CA10: variants seen among roughly 807,000 people sequenced by gnomAD.
CA10 encodes carbonic anhydrase 10 (inactive).
CA10 carries 14 observed loss-of-function variants against 44.2 expected under a neutral mutation model. That is an observed-to-expected ratio of 0.32 (90% CI 0.21 to 0.50). CA10 has a LOEUF of 0.50. Ranked by LOEUF, CA10 falls within the 20% of genes least tolerant of loss-of-function variation. CA10 has a pLI of 0.99. For synonymous variants in CA10, 159 were observed against 141.6 expected (o/e 1.12, Z -0.87); for missense variants, 350 against 409.7 (o/e 0.85, Z 1.26).
At chr17:51,776,753 G>A (rs1400212743) in intron 3 of CA10, among the ~76,000 whole-genome samples, 1 of 152,212 alleles carries the variant, frequency 6.6e-6, no homozygotes, top group Non-Finnish European at 1.5e-5. Flanking sequence ...AAGTTAAAAT[G>A]TCAGTTGTTT....
Position 51,653,685 on chromosome 17 carries a change from C to T in CA10, c.517G>A (p.Ala173Thr). The T allele has an allele frequency of 6.2e-7, 1 of 1,611,492 alleles. No homozygotes were observed. Among genetic ancestry groups the T allele is most frequent in the Non-Finnish European group, 8.5e-7 (1 of 1,177,622 alleles). The change falls in exon 5 of 9, where the codon GCA becomes ACA. Residue 173 changes from alanine to threonine, a missense_variant. Physicochemically the swap from Ala to Thr is moderately conservative, Grantham distance 58. Transcript: ENST00000451037. ...ACCACCAATCCATTTGGACTCTTTG[C>T]AGCTTCTGTGACATTCGTATATAGC... ...HELYTNVTEA[A>T]KSPNGLVVVS...
At chr17:51,806,201 T>C (rs555560652) in intron 3 of CA10, among the ~76,000 whole-genome samples, 5 of 152,248 alleles carry the variant, frequency 3.3e-5, no homozygotes, top group African/African-American at 1.2e-4. Context: ...ATTTAAAGAA[T>C]TGAGCAGTTT....
At chr17:52,020,736 C>A (rs972524063) in intron 2 of CA10, among the ~76,000 whole-genome samples, 1 of 151,830 alleles carries the variant, frequency 6.6e-6, no homozygotes, top group Non-Finnish European at 1.5e-5. Context: ...ATGTTTGGGG[C>A]ATGATTGATT....
Position 52,157,906 on chromosome 17 carries a change from C to CA in CA10, c.-121_-120insT. Reference sequence around the variant, plus strand: ...TTCCGAGCGAGTGCACACTCGCACTCCCACCCGACAGCCGGCCAGGGACAG... The same window carrying CA: ...TTCCGAGCGAGTGCACACTCGCACTCACCACCCGACAGCCGGCCAGGGACAG... On this transcript the variant is annotated 5_prime_UTR_variant, in exon 1 of 9. Coordinates refer to ENST00000451037, the MANE Select transcript of CA10 (RefSeq NM_020178.5). 1.3e-6 allele frequency: 1 copy of CA among 799,764 alleles called. No homozygotes were observed. Among genetic ancestry groups the CA allele is most frequent in the Non-Finnish European group, 2.2e-6 (1 of 452,224 alleles). The allele number at this position is 799,764 out of a possible 1,614,324, so 49.5% of individuals were successfully genotyped here. A position where few individuals can be genotyped will look rare whatever the true frequency, so the allele number is the denominator to read the frequency against.
intron 2 of CA10, among the ~76,000 whole-genome samples, chr17:51,954,391 A>G (rs1983591479): frequency 6.6e-6 from 1 of 152,208 alleles, no homozygotes; most frequent in Admixed American, 6.6e-5. Flanking sequence ...CACTTGAGGC[A>G]TCCACTTCTT....
intron 3 of CA10, among the ~76,000 whole-genome samples, chr17:51,833,662 T>C (rs1419495064): frequency 2.6e-5 from 4 of 152,232 alleles, no homozygotes; most frequent in Non-Finnish European, 5.9e-5. Context: ...AAAAGGGTAC[T>C]GTGTAGTAGT....
rs767555924 is a variant in CA10 at position 51,633,471 on chromosome 17, C to T, written c.964+5G>A. 2 of 1,610,010 alleles carry T rather than the reference C, an allele frequency of 1.2e-6. No individual in the cohort carries two copies. Among genetic ancestry groups the T allele is most frequent in the East Asian group, 4.5e-5 (2 of 44,812 alleles). On this transcript the variant is annotated splice_donor_5th_base_variant and intron_variant, in intron 8 of 8. Coordinates refer to ENST00000451037, the MANE Select transcript of CA10 (RefSeq NM_020178.5). ...ATCCTCCACTCTCTGAGCCACCAAACCCACCTCTATACTGAAGCTTCTGGG... is the reference window on the plus strand; with the variant it reads ...ATCCTCCACTCTCTGAGCCACCAAATCCACCTCTATACTGAAGCTTCTGGG...
chr17:51,927,205 C>G (rs1414026712), intron 3 of CA10, among the ~76,000 whole-genome samples: 1 of 152,012 alleles, frequency 6.6e-6, no homozygotes, highest in Non-Finnish European at 1.5e-5. Flanking sequence ...TAGATCCTAC[C>G]TTTTATACCT....
intron 3 of CA10, among the ~76,000 whole-genome samples, chr17:51,778,756 G>A (rs895741193): frequency 2.0e-5 from 3 of 152,212 alleles, no homozygotes; most frequent in Non-Finnish European, 4.4e-5. Flanking sequence ...ACAATCAGAG[G>A]AGAGTATGCT....
chr17:52,074,809 C>CA (rs751212008), intron 1 of CA10, among the ~76,000 whole-genome samples: 29 of 151,520 alleles, frequency 1.9e-4, no homozygotes, highest in Non-Finnish European at 3.2e-4. Flanking sequence ...GCCTGCTAGC[C>CA]AAATATGGCC....
intron 3 of CA10, among the ~76,000 whole-genome samples, chr17:51,813,603 C>T (rs542247676): frequency 2.6e-5 from 4 of 152,336 alleles, no homozygotes; most frequent in African/African-American, 9.6e-5. Context: ...GATCATTCCA[C>T]CTGCTTCTCT....
chr17:51,880,344 T>A (rs555830580), intron 3 of CA10, among the ~76,000 whole-genome samples: 1 of 152,164 alleles, frequency 6.6e-6, no homozygotes, highest in East Asian at 1.9e-4. Flanking sequence ...TCTTGCTCTG[T>A]CACCCAGGCT....
chr17:51,681,482 G>A (rs1294679945), intron 4 of CA10, among the ~76,000 whole-genome samples: 1 of 152,158 alleles, frequency 6.6e-6, no homozygotes, highest in Non-Finnish European at 1.5e-5. Flanking sequence ...GGGCTGGATA[G>A]TTCTTTGTTG....
intron 2 of CA10, among the ~76,000 whole-genome samples, chr17:52,037,777 C>A (rs998320146): frequency 4.6e-5 from 7 of 152,128 alleles, no homozygotes; most frequent in African/African-American, 1.7e-4. Flanking sequence ...CTTTTCTAGC[C>A]TCTGTGCCTT....
intron 2 of CA10, among the ~76,000 whole-genome samples, chr17:52,013,055 C>T (rs1334272857): frequency 6.6e-6 from 1 of 151,878 alleles, no homozygotes; most frequent in African/African-American, 2.4e-5. Flanking sequence ...TAAGAAAATC[C>T]TAAATTGATA....
At chr17:51,636,963 C>A (rs560507607) in intron 6 of CA10, among the ~76,000 whole-genome samples, 1 of 152,008 alleles carries the variant, frequency 6.6e-6, no homozygotes, top group Non-Finnish European at 1.5e-5. Context: ...AAAGAAAAAA[C>A]AATTTCAGTC....
chr17:51,650,260 C>T (rs1470959560), intron 5 of CA10, among the ~76,000 whole-genome samples: 1 of 152,136 alleles, frequency 6.6e-6, no homozygotes, highest in Non-Finnish European at 1.5e-5. Context: ...CATTGTTCAT[C>T]CTAGTCATTT....
At chr17:51,675,512 G>A (rs1374149566) in intron 4 of CA10, among the ~76,000 whole-genome samples, 6 of 146,666 alleles carry the variant, frequency 4.1e-5, no homozygotes, top group Middle Eastern at 3.3e-3. Context: ...TTGCGCCACC[G>A]CACTCCAGCC....
chr17:51,643,281 C>T (rs1206137024), intron 6 of CA10, among the ~76,000 whole-genome samples: 4 of 151,962 alleles, frequency 2.6e-5, no homozygotes, highest in Non-Finnish European at 5.9e-5. Context: ...AATTAATTAA[C>T]ACAAGAAAAA....
Sources: allele counts gnomAD v4.1 joint callset (sites outside exome capture counted in the v4.1 genomes callset), GRCh38; gene constraint gnomAD v4.1.1; transcripts MANE v1.5; gene names NCBI Gene and HGNC (gene_info 2026-07-23, HGNC 2026-07-21).